The following TBC1D16 variants were observed in gnomAD, a reference collection of about 807,000 sequenced individuals.
TBC1D16 encodes the protein TBC1 domain family member 16, also known as CTD-2529O21.1.
Under a neutral mutation model 74.7 loss-of-function variants are expected in TBC1D16, and 58 were observed. The observed-to-expected ratio is 0.78, with a 90% confidence interval of 0.63 to 0.97. The LOEUF is 0.97. Ranked by LOEUF, TBC1D16 falls within the 50% of genes least tolerant of loss-of-function variation. TBC1D16 has a pLI of 0.00. For synonymous variants in TBC1D16, 493 were observed against 474.7 expected (o/e 1.04, Z -0.50); for missense variants, 1,014 against 1,079.5 (o/e 0.94, Z 0.85).
At chr17:79,977,178 T>C (rs1464878505) in intron 3 of TBC1D16, among the ~76,000 whole-genome samples, 2 of 152,130 alleles carry the variant, frequency 1.3e-5, no homozygotes, top group African/African-American at 2.4e-5. Context: ...CAGCCCAACG[T>C]CCAAAGCTTT....
rs1367799154 is a variant in TBC1D16 at position 80,013,531 on chromosome 17, A to T, written c.17T>A (p.Leu6His). Residue 6 changes from leucine (L) to histidine (H), a missense_variant, in exon 2 of 12, where the codon CTC (leucine) becomes CAC (histidine). By Grantham distance (99) the Leu-to-His change is moderately conservative (BLOSUM62 -3). Transcript: ENST00000310924. ...GGCTTTGGAGGAGGCCCTGCGAAGG[A>T]GGCGGCCCAGAGACATTGCCGGGCA... is the stretch of plus-strand genomic sequence containing the variant. The part of the protein sequence containing the change: MSLGR[L>H]LRRASSKASD... The T allele has an allele frequency of 3.2e-6, 5 of 1,538,718 alleles. No individual in the cohort carries two copies. The highest frequency in any genetic ancestry group is 4.4e-6 in the Non-Finnish European group (5 of 1,142,912).
chr17:79,949,039 C>T (rs1329280234), intron 7 of TBC1D16, 33 bp from the exon 8 acceptor site: 7 of 1,612,722 alleles, frequency 4.3e-6, no homozygotes, highest in Admixed American at 3.3e-5. Context: ...CCGGGGTCAG[C>T]GGGTGGCACC....
chr17:80,021,707 ACACACAC>A (rs1353824514), intron 1 of TBC1D16, among the ~76,000 whole-genome samples: 1 of 148,876 alleles, frequency 6.7e-6, no homozygotes, highest in Non-Finnish European at 1.5e-5. Flanking sequence ...CATCACAGAC[ACACACAC>A]CACACACCAC....
Position 79,940,816 on chromosome 17 carries a change from T to G in TBC1D16, c.*43A>C. 1 of 1,485,406 alleles carries G rather than the reference T, an allele frequency of 6.7e-7. No homozygotes were observed. The highest frequency in any genetic ancestry group is 9.0e-7 in the Non-Finnish European group (1 of 1,111,368). 92.0% of individuals were successfully genotyped at this position (1,485,406 alleles called of 1,614,324 possible). On this transcript the variant is annotated 3_prime_UTR_variant, in exon 12 of 12. Transcript: ENST00000310924. This position sits in a 1 kb window ranked among gnomAD's most constrained non-coding sequence, Gnocchi z 5.4. ...CACCCCCTCCCGTGCCCAGGGCCTC[T>G]GAGGAGGTCCCCTCAACCCCTGTCC...
rs76390653 is a variant in TBC1D16 at position 80,004,140 on chromosome 17, C to T, written c.779+6020G>A. 8.0e-3 allele frequency among the ~76,000 whole-genome samples: 1,218 copies of T among 152,318 alleles called. 16 individuals carry two copies. The highest frequency in any genetic ancestry group is 0.053 in the East Asian group (276 of 5,190). ...AAAATTAAAAATTCAGTTGCACTTGCGCCATTTCAAGGGTTCAAGAGCTGC... is the reference window on the plus strand; with the variant it reads ...AAAATTAAAAATTCAGTTGCACTTGTGCCATTTCAAGGGTTCAAGAGCTGC... On this transcript the variant is annotated intron_variant, in intron 3 of 11. Transcript: ENST00000310924.
chr17:79,998,514 AT>A lies in TBC1D16; in HGVS notation c.779+11645del, dbSNP rs376951265. Among the ~76,000 whole-genome samples the A allele has an allele frequency of 9.3e-3, 1,221 of 131,810 alleles. 19 individuals are homozygous for A. Among genetic ancestry groups the A allele is most frequent in the African/African-American group, 0.03 (1,075 of 36,194 alleles). 86.5% of individuals were successfully genotyped at this position (131,810 alleles called of 152,430 possible). A position where few individuals can be genotyped will look rare whatever the true frequency, so the allele number is the denominator to read the frequency against. On this transcript the variant is annotated intron_variant, in intron 3 of 11. Coordinates refer to ENST00000310924, the MANE Select transcript of TBC1D16 (RefSeq NM_019020.4). ...GGCTAATTTTTGTATTATTATTATA[AT>A]TTTTTTTTTTTTTTTTTGTAGAGAC...
chr17:79,990,902 G>A lies in TBC1D16; in HGVS notation c.779+19258C>T, dbSNP rs904060212. Among the ~76,000 whole-genome samples the A allele has an allele frequency of 2.3e-4, 35 of 152,194 alleles. No homozygotes were observed. Among genetic ancestry groups the A allele is most frequent in the African/African-American group, 7.7e-4 (32 of 41,452 alleles). On this transcript the variant is annotated intron_variant, in intron 3 of 11. Transcript: ENST00000310924. This position sits in a 1 kb window ranked among gnomAD's most constrained non-coding sequence, Gnocchi z 4.8. ...AACGTCCTCAACTCATCCGTGTTGC[G>A]GCGCGTGTCAGAATTGCCTTCCCAA...
intron 1 of TBC1D16, among the ~76,000 whole-genome samples, chr17:80,025,046 C>A (rs1444700167): frequency 1.5e-4 from 3 of 19,764 alleles, no homozygotes; most frequent in African/African-American, 7.0e-4. Flanking sequence ...TACCATGACA[C>A]AACCAGGCAC....
intron 3 of TBC1D16, among the ~76,000 whole-genome samples, chr17:79,966,884 T>C (rs1188583944): frequency 1.3e-5 from 2 of 152,166 alleles, no homozygotes; most frequent in African/African-American, 4.8e-5. Context: ...ATCTCAGGAA[T>C]GCATGACTGG....
chr17:80,009,071 C>A lies in TBC1D16; in HGVS notation c.779+1089G>T, dbSNP rs2035783084. On this transcript the variant is annotated intron_variant, in intron 3 of 11. Coordinates refer to ENST00000310924, the MANE Select transcript of TBC1D16 (RefSeq NM_019020.4). The surrounding 1 kb of genome is among the most constrained non-coding windows in gnomAD (Gnocchi z 5.4). ...CGATAGCAGGGGATAATAGGAGGGC[C>A]CACCTCACGGGGCGTGGGGCTGTGG... Among the ~76,000 whole-genome samples the A allele has an allele frequency of 6.6e-6, 1 of 152,192 alleles. No homozygotes were observed. Among genetic ancestry groups the A allele is most frequent in the Non-Finnish European group, 1.5e-5 (1 of 68,034 alleles).
At chr17:80,017,234 A>G (rs984796946) in intron 1 of TBC1D16, among the ~76,000 whole-genome samples, 8 of 151,878 alleles carry the variant, frequency 5.3e-5, no homozygotes, top group African/African-American at 1.9e-4. Context: ...TGACCACTCA[A>G]CTCGGCCCTT....
intron 2 of TBC1D16, among the ~76,000 whole-genome samples, chr17:80,012,414 C>T (rs1002809593): frequency 6.6e-6 from 1 of 152,160 alleles, no homozygotes; most frequent in East Asian, 1.9e-4. Context: ...GCCAACCAGC[C>T]GGTGGCTATA....
chr17:79,982,785 G>T (rs1217184621), intron 3 of TBC1D16, among the ~76,000 whole-genome samples: 1 of 152,122 alleles, frequency 6.6e-6, no homozygotes, highest in Non-Finnish European at 1.5e-5. Flanking sequence ...CTTGAACCCA[G>T]GGGGCGGAGA....
In TBC1D16 at chr17:79,985,580, G is replaced by T. The variant is rs181736770; in HGVS notation, c.779+24580C>A. On this transcript the variant is annotated intron_variant, in intron 3 of 11. Transcript: ENST00000310924. This position sits in a 1 kb window ranked among gnomAD's most constrained non-coding sequence, Gnocchi z 4.9. ...GCCTGGCACTCACGCTCGGGGTGGG[G>T]GGCATCCCAGGCCCTGAGACTGGTG... Among the ~76,000 whole-genome samples, 1 of 152,228 alleles carries T rather than the reference G, an allele frequency of 6.6e-6. No individual in the cohort carries two copies. Among genetic ancestry groups the T allele is most frequent in the Non-Finnish European group, 1.5e-5 (1 of 68,040 alleles).
In TBC1D16 at chr17:80,035,625, C is replaced by T. The variant is rs976288373; in HGVS notation, c.-63+170G>A. ...CCCGCTCCTGCTGGCGCCCCGCACC[C>T]CGAGGACGGCGGCCGGACCCCGGCC... On this transcript the variant is annotated intron_variant, in intron 1 of 11. Transcript: ENST00000310924. The surrounding 1 kb of genome is among the most constrained non-coding windows in gnomAD (Gnocchi z 5.3). Among the ~76,000 whole-genome samples the T allele has an allele frequency of 1.3e-5, 2 of 151,356 alleles. No homozygotes were observed. The highest frequency in any genetic ancestry group is 4.8e-5 in the African/African-American group (2 of 41,356).
rs34664664 is a variant in TBC1D16 at position 79,956,192 on chromosome 17, G to A, written c.780-3374C>T. Among the ~76,000 whole-genome samples the A allele has an allele frequency of 0.21, 32,148 of 152,096 alleles. 3,692 individuals carry two copies. The highest frequency in any genetic ancestry group is 0.29 in the African/African-American group (12,213 of 41,472). On this transcript the variant is annotated intron_variant, in intron 3 of 11. Coordinates refer to ENST00000310924, the MANE Select transcript of TBC1D16 (RefSeq NM_019020.4). This position sits in a 1 kb window ranked among gnomAD's most constrained non-coding sequence, Gnocchi z 4.0. ...CTGAGTGAACTCCAGGGAGCCCAGC[G>A]CAACAGCCTGTCCCAGCCCAGCCCA...
At position 79,948,904 on chromosome 17, in the gene TBC1D16, C is replaced by A; in HGVS notation, c.1509G>T (p.Arg503=). The part of the protein sequence containing the change: ...VRTDRNNQFF[R]GEDNPNVESM... ...TCTCCACATTGGGATTGTCTTCCCC[C>A]CGGAAGAACTGGTTGTTCCGATCTG... The change falls in exon 8 of 12, where the codon CGG becomes CGT. Residue 503 remains arginine (R), a synonymous_variant. Transcript: ENST00000310924. 1 of 1,614,138 alleles carries A rather than the reference C, an allele frequency of 6.2e-7. No individual in the cohort carries two copies. Among genetic ancestry groups the A allele is most frequent in the South Asian group, 1.1e-5 (1 of 91,078 alleles).
rs140117096 is a variant in TBC1D16, at chr17:80,030,697, C to T, written c.-63+5098G>A. 4.2e-3 allele frequency among the ~76,000 whole-genome samples: 639 copies of T among 152,290 alleles called. 4 individuals carry two copies. The highest frequency in any genetic ancestry group is 0.015 in the African/African-American group (620 of 41,550). On this transcript the variant is annotated intron_variant, in intron 1 of 11. Coordinates refer to ENST00000310924, the MANE Select transcript of TBC1D16 (RefSeq NM_019020.4). ...AGCAGGACAGACCTGGTCCTGGAAA[C>T]CCATGGAGCTGGCAGTTCCCACTCA...
At chr17:79,991,219 G>A (rs572634955) in intron 3 of TBC1D16, among the ~76,000 whole-genome samples, 2 of 152,328 alleles carry the variant, frequency 1.3e-5, no homozygotes, top group African/African-American at 4.8e-5. Flanking sequence ...CTGCGTCCAC[G>A]CCGGGAGAGC....
Sources: gnomAD v4.1 joint callset for allele counts (sites outside exome capture counted in the v4.1 genomes callset) on GRCh38, gnomAD v4.1.1 for gene constraint, Gnocchi (gnomAD v3.1) non-coding constraint, MANE v1.5 for transcripts, NCBI Gene and HGNC (gene_info 2026-07-23, HGNC 2026-07-21) for gene names.